The following CNTNAP2 variants were observed in gnomAD, a reference collection of about 807,000 sequenced individuals.
CNTNAP2 encodes contactin associated protein 2.
A neutral mutation model predicts 155.2 loss-of-function variants in CNTNAP2; 98 were observed. The ratio of observed to expected loss-of-function variants is 0.63; its 90% CI spans 0.54 to 0.75. CNTNAP2 has a LOEUF of 0.75. CNTNAP2 is among the 30% of genes least tolerant of loss of function. The pLI is 0.00. For synonymous variants in CNTNAP2, 651 were observed against 631.2 expected (o/e 1.03, Z -0.47); for missense variants, 1,727 against 1,688.1 (o/e 1.02, Z -0.40).
rs868785114 is a variant in CNTNAP2, at chr7:148,412,005, G to A, written c.3796+2534G>A. Among the ~76,000 whole-genome samples the A allele has an allele frequency of 4.7e-4, 72 of 152,050 alleles. No individual in the cohort carries two copies. The Middle Eastern group carries it at 0.01, about 22-fold the overall frequency. On this transcript the variant is annotated intron_variant, in intron 23 of 23. Transcript: ENST00000361727. ...TGTTGCCAGGCTGGAGTACAGTGGC[G>A]CGATCTCGGCTCATGCAACCTCCGA...
intron 12 of CNTNAP2, among the ~76,000 whole-genome samples, chr7:147,603,581 C>A (rs1397654722): frequency 6.6e-6 from 1 of 152,152 alleles, no homozygotes; most frequent in Non-Finnish European, 1.5e-5. Flanking sequence ...AAGATACAAA[C>A]AAATGGAAGA....
chr7:148,310,974 A>G (rs1797586097), intron 21 of CNTNAP2, among the ~76,000 whole-genome samples: 1 of 152,194 alleles, frequency 6.6e-6, no homozygotes, highest in African/African-American at 2.4e-5. Flanking sequence ...GGAGATGAAG[A>G]GTAAAGGAAC....
intron 1 of CNTNAP2, among the ~76,000 whole-genome samples, chr7:146,281,077 A>G (rs914093145): frequency 6.6e-6 from 1 of 152,206 alleles, no homozygotes; most frequent in Non-Finnish European, 1.5e-5. Flanking sequence ...AGAAGGAGGC[A>G]GAATTCTACA....
At chr7:147,737,821 G>C (rs957620938) in intron 13 of CNTNAP2, among the ~76,000 whole-genome samples, 1 of 152,202 alleles carries the variant, frequency 6.6e-6, no homozygotes, top group Non-Finnish European at 1.5e-5. Context: ...TCTGAGCCAG[G>C]TGCGGGATGT....
intron 4 of CNTNAP2, among the ~76,000 whole-genome samples, chr7:147,061,571 T>G (rs781356792): frequency 2.0e-5 from 3 of 152,208 alleles, no homozygotes; most frequent in Non-Finnish European, 4.4e-5. Context: ...TGCATGTGTG[T>G]ATACACTCAT....
chr7:146,526,986 T>G (rs187654908), intron 1 of CNTNAP2, among the ~76,000 whole-genome samples: 97 of 152,106 alleles, frequency 6.4e-4, no homozygotes, highest in African/African-American at 2.2e-3. Context: ...ATTCCTAGGC[T>G]CAGTCAGTTC....
At chr7:146,609,529 T>A (rs1239511201) in intron 1 of CNTNAP2, among the ~76,000 whole-genome samples, 1 of 152,214 alleles carries the variant, frequency 6.6e-6, no homozygotes, top group Non-Finnish European at 1.5e-5. Flanking sequence ...TTGCTGTTCA[T>A]TTTGTGACAA....
intron 1 of CNTNAP2, among the ~76,000 whole-genome samples, chr7:146,422,197 T>C (rs927326647): frequency 6.6e-6 from 1 of 151,510 alleles, no homozygotes; most frequent in African/African-American, 2.4e-5. Context: ...GTCACCTGAG[T>C]AGTGTACATT....
At chr7:147,680,870 A>G (rs1242334761) in intron 13 of CNTNAP2, among the ~76,000 whole-genome samples, 1 of 151,836 alleles carries the variant, frequency 6.6e-6, no homozygotes, top group African/African-American at 2.4e-5. Flanking sequence ...TATTAGTCAT[A>G]TTAGACATAT....
chr7:147,185,031 C>A (rs931933702), intron 8 of CNTNAP2, among the ~76,000 whole-genome samples: 1 of 151,926 alleles, frequency 6.6e-6, no homozygotes, highest in Non-Finnish European at 1.5e-5. Flanking sequence ...CTTAAATGGG[C>A]AAAAATACCC....
intron 2 of CNTNAP2, among the ~76,000 whole-genome samples, chr7:146,817,889 T>G (rs1803204324): frequency 6.6e-6 from 1 of 152,054 alleles, no homozygotes; most frequent in Non-Finnish European, 1.5e-5. Flanking sequence ...TACTAAAATT[T>G]AAAGATTAAA....
chr7:146,347,314 T>C (rs1794834562), intron 1 of CNTNAP2, among the ~76,000 whole-genome samples: 1 of 152,062 alleles, frequency 6.6e-6, no homozygotes, highest in South Asian at 2.1e-4. Context: ...CCCAGGCAGA[T>C]CTTATCAATG....
At chr7:147,802,270 G>C (rs1259364110) in intron 13 of CNTNAP2, among the ~76,000 whole-genome samples, 1 of 150,030 alleles carries the variant, frequency 6.7e-6, no homozygotes, top group Non-Finnish European at 1.5e-5. Context: ...CGGCCGGGCA[G>C]AGACGCTCCT....
chr7:148,229,634 T>C lies in CNTNAP2; in HGVS notation c.3248-12T>C. On this transcript the variant is annotated splice_polypyrimidine_tract_variant and intron_variant, in intron 19 of 23. Transcript: ENST00000361727. ...GCAAACAAATTACTGAGCTTTCTTT[T>C]TTCTTCTATAGGAAGCTTACAGATT... The C allele has an allele frequency of 6.2e-7, 1 of 1,614,088 alleles. No homozygotes were observed. Among genetic ancestry groups the C allele is most frequent in the Non-Finnish European group, 8.5e-7 (1 of 1,179,982 alleles).
chr7:147,176,422 G>A (rs1409977598), intron 8 of CNTNAP2, among the ~76,000 whole-genome samples: 5 of 151,830 alleles, frequency 3.3e-5, no homozygotes, highest in African/African-American at 9.7e-5. Flanking sequence ...AAGAATTTAT[G>A]ATAATTTAGA....
chr7:147,431,603 C>T (rs1268211807), intron 10 of CNTNAP2, among the ~76,000 whole-genome samples: 2 of 152,200 alleles, frequency 1.3e-5, no homozygotes, highest in East Asian at 3.9e-4. Context: ...CATCACTCAA[C>T]CAAGACAGCC....
At chr7:148,085,610 A>G (rs1052686957) in intron 15 of CNTNAP2, among the ~76,000 whole-genome samples, 1 of 152,218 alleles carries the variant, frequency 6.6e-6, no homozygotes, top group African/African-American at 2.4e-5. Flanking sequence ...TCAAATTTTC[A>G]TTCATTTTAT....
intron 13 of CNTNAP2, among the ~76,000 whole-genome samples, chr7:147,847,891 C>T (rs1798838785): frequency 8.5e-6 from 1 of 117,288 alleles, no homozygotes; most frequent in South Asian, 2.9e-4. Flanking sequence ...TGGGGGGTGC[C>T]TCCCAGTTAG....
intron 1 of CNTNAP2, among the ~76,000 whole-genome samples, chr7:146,168,065 C>T (rs1314011401): frequency 6.6e-6 from 1 of 152,120 alleles, no homozygotes; most frequent in Non-Finnish European, 1.5e-5. Context: ...AAGTCAGCTC[C>T]TTCCACCTTC....
Sources: allele counts gnomAD v4.1 joint callset (sites outside exome capture counted in the v4.1 genomes callset), GRCh38; gene constraint gnomAD v4.1.1; transcripts MANE v1.5; gene names NCBI Gene and HGNC (gene_info 2026-07-23, HGNC 2026-07-21).